The following FSTL5 variants were observed in gnomAD, a reference collection of about 807,000 sequenced individuals.
FSTL5 encodes follistatin-related protein 5.
FSTL5 carries 62 observed loss-of-function variants against 89.1 expected under a neutral mutation model. The ratio of observed to expected loss-of-function variants is 0.70; its 90% CI spans 0.57 to 0.86. FSTL5 has a LOEUF of 0.86. Among genes scored for constraint, FSTL5 ranks in the 40% least tolerant of loss-of-function variants. FSTL5 has a pLI of 0.00. For synonymous variants in FSTL5, 383 were observed against 346.2 expected (o/e 1.11, Z -1.18); for missense variants, 1,057 against 1,001.6 (o/e 1.06, Z -0.75).
intron 2 of FSTL5, among the ~76,000 whole-genome samples, chr4:162,086,921 T>C (rs1169685931): frequency 1.3e-5 from 2 of 152,136 alleles, no homozygotes; most frequent in East Asian, 3.8e-4. Context: ...TACAATTACA[T>C]ATGATCTTGT....
intron 6 of FSTL5, among the ~76,000 whole-genome samples, chr4:161,716,994 G>C (rs1421045348): frequency 1.3e-5 from 2 of 152,154 alleles, no homozygotes; most frequent in Non-Finnish European, 2.9e-5. Context: ...TTAGAAAAGA[G>C]AAAAACTCCT....
intron 4 of FSTL5, among the ~76,000 whole-genome samples, chr4:161,785,725 G>A (rs1310423255): frequency 6.6e-6 from 1 of 152,142 alleles, no homozygotes; most frequent in African/African-American, 2.4e-5. Context: ...GTTTAATGCT[G>A]ACCTTACATA....
At chr4:162,007,980 T>C (rs920008447) in intron 3 of FSTL5, among the ~76,000 whole-genome samples, 2 of 151,862 alleles carry the variant, frequency 1.3e-5, no homozygotes, top group African/African-American at 2.4e-5. Flanking sequence ...TCAGTAAGTA[T>C]AAGAGGAACT....
At chr4:161,881,720 A>G (rs1422935669) in intron 4 of FSTL5, among the ~76,000 whole-genome samples, 2 of 152,096 alleles carry the variant, frequency 1.3e-5, no homozygotes, top group Non-Finnish European at 2.9e-5. Flanking sequence ...ACAAACAAAC[A>G]AACAAATAAA....
chr4:161,887,692 A>G (rs1317393935), intron 4 of FSTL5, among the ~76,000 whole-genome samples: 1 of 152,180 alleles, frequency 6.6e-6, no homozygotes, highest in Non-Finnish European at 1.5e-5. Context: ...ATAGATAAGC[A>G]ATACCTTTTG....
chr4:161,674,964 T>G (rs72689110), intron 6 of FSTL5, among the ~76,000 whole-genome samples: 1,711 of 152,264 alleles, frequency 0.011, 14 homozygotes, highest in Non-Finnish European at 0.019. Context: ...TGGATCAGTA[T>G]CTGAGATTGG....
intron 6 of FSTL5, among the ~76,000 whole-genome samples, chr4:161,660,159 A>G (rs1171567599): frequency 6.6e-6 from 1 of 152,188 alleles, no homozygotes; most frequent in Non-Finnish European, 1.5e-5. Flanking sequence ...CATTATGAGG[A>G]CTATTACTAC....
intron 15 of FSTL5, among the ~76,000 whole-genome samples, chr4:161,402,257 A>T (rs1187643327): frequency 6.6e-6 from 1 of 152,212 alleles, no homozygotes; most frequent in Non-Finnish European, 1.5e-5. Flanking sequence ...TTATGTGTAA[A>T]ACTTATTTTT....
At chr4:161,679,303 C>G (rs911491839) in intron 6 of FSTL5, among the ~76,000 whole-genome samples, 2 of 151,632 alleles carry the variant, frequency 1.3e-5, no homozygotes. Context: ...CATTGAGTAT[C>G]TACTATAAGC....
intron 13 of FSTL5, among the ~76,000 whole-genome samples, chr4:161,459,582 GT>G (rs1166900808): frequency 6.6e-6 from 1 of 151,614 alleles, no homozygotes; most frequent in African/African-American, 2.4e-5. Context: ...TAAATATTTT[GT>G]TTATCATTTG....
chr4:161,892,366 C>T (rs1733015080), intron 4 of FSTL5, among the ~76,000 whole-genome samples: 3 of 151,920 alleles, frequency 2.0e-5, no homozygotes, highest in Admixed American at 6.6e-5. Flanking sequence ...GTCATTTTTA[C>T]CAAATACACT....
rs144550025 is a variant in FSTL5, at chr4:162,005,759, T to C, written c.160+27866A>G. ...CCTTTCTATACACCATTCCATTTCA[T>C]CCTCAGTATGGACACTATGGGATAA... On this transcript the variant is annotated intron_variant, in intron 3 of 15. Transcript: ENST00000306100. 4.4e-3 allele frequency among the ~76,000 whole-genome samples: 664 copies of C among 152,180 alleles called. 1 individual carries two copies. The highest frequency in any genetic ancestry group is 6.9e-3 in the Non-Finnish European group (468 of 67,964).
intron 11 of FSTL5, among the ~76,000 whole-genome samples, chr4:161,509,018 T>C (rs563361130): frequency 8.5e-5 from 13 of 152,248 alleles, no homozygotes; most frequent in Non-Finnish European, 1.5e-4. Context: ...TATAATGAAA[T>C]GTTGTTTGAT....
chr4:161,938,702 A>G (rs1385851008), intron 3 of FSTL5, among the ~76,000 whole-genome samples: 1 of 152,038 alleles, frequency 6.6e-6, no homozygotes, highest in Non-Finnish European at 1.5e-5. Context: ...AAATATTGGA[A>G]TGTATATTAC....
intron 11 of FSTL5, among the ~76,000 whole-genome samples, chr4:161,507,510 A>C (rs1158349793): frequency 6.6e-6 from 1 of 151,840 alleles, no homozygotes; most frequent in Non-Finnish European, 1.5e-5. Context: ...TAGAGCAGAT[A>C]TTAGATCTTA....
chr4:161,878,858 A>T (rs1028059599), intron 4 of FSTL5, among the ~76,000 whole-genome samples: 3 of 152,136 alleles, frequency 2.0e-5, no homozygotes, highest in African/African-American at 7.2e-5. Flanking sequence ...ATCACAATTA[A>T]TTTTTCCATC....
At chr4:161,852,824 A>G (rs1393709310) in intron 4 of FSTL5, among the ~76,000 whole-genome samples, 1 of 152,084 alleles carries the variant, frequency 6.6e-6, no homozygotes, top group Admixed American at 6.6e-5. Context: ...ACATGGATGG[A>G]GCTGGGGTCT....
intron 12 of FSTL5, among the ~76,000 whole-genome samples, chr4:161,494,300 G>T (rs1295739024): frequency 6.6e-6 from 1 of 152,152 alleles, no homozygotes; most frequent in Non-Finnish European, 1.5e-5. Context: ...AAAGACAGTG[G>T]TGTTGTATTC....
chr4:161,715,813 C>T (rs896058254), intron 6 of FSTL5, among the ~76,000 whole-genome samples: 1 of 152,164 alleles, frequency 6.6e-6, no homozygotes, highest in African/African-American at 2.4e-5. Flanking sequence ...TCCTTTCTTA[C>T]TTATTCTACA....
Sources: gnomAD v4.1 joint callset for allele counts (sites outside exome capture counted in the v4.1 genomes callset) on GRCh38, gnomAD v4.1.1 for gene constraint, MANE v1.5 for transcripts, NCBI Gene and HGNC (gene_info 2026-07-23, HGNC 2026-07-21) for gene names.